The following KCNN3 variants were observed in gnomAD, a reference collection of about 807,000 sequenced individuals.
KCNN3 encodes the protein small conductance calcium-activated potassium channel protein 3.
Under a neutral mutation model 62.9 loss-of-function variants are expected in KCNN3, and 16 were observed. That is an observed-to-expected ratio of 0.25 (90% CI 0.17 to 0.39). The LOEUF is 0.39. KCNN3 is among the 10% of genes least tolerant of loss of function. KCNN3 has a pLI of 1.00. For synonymous variants in KCNN3, 370 were observed against 389.2 expected (o/e 0.95, Z 0.58); for missense variants, 599 against 949.4 (o/e 0.63, Z 4.85).
chr1:154,806,311 G>A (rs1650171867), intron 2 of KCNN3, among the ~76,000 whole-genome samples: 1 of 152,222 alleles, frequency 6.6e-6, no homozygotes, highest in Admixed American at 6.5e-5. Flanking sequence ...CAAAGGGCTG[G>A]ATTTGCAGTG....
chr1:154,764,690 C>A (rs1308187932), intron 3 of KCNN3, among the ~76,000 whole-genome samples: 1 of 152,184 alleles, frequency 6.6e-6, no homozygotes, highest in East Asian at 1.9e-4. Flanking sequence ...TGAGGATTTG[C>A]AACCCTCTAA....
intron 4 of KCNN3, among the ~76,000 whole-genome samples, chr1:154,731,161 C>T (rs929223510): frequency 2.0e-5 from 3 of 152,212 alleles, no homozygotes; most frequent in African/African-American, 4.8e-5. Context: ...AGGCACAAAG[C>T]CCCAGGAGTG....
At chr1:154,803,984 G>A (rs1419255607) in intron 2 of KCNN3, among the ~76,000 whole-genome samples, 19 of 152,224 alleles carry the variant, frequency 1.2e-4, no homozygotes, top group African/African-American at 9.6e-5. Context: ...CCGTCTCCCC[G>A]TGCAACTCTG....
intron 1 of KCNN3, among the ~76,000 whole-genome samples, chr1:154,833,658 C>G (rs570348441): frequency 6.6e-6 from 1 of 152,214 alleles, no homozygotes; most frequent in Non-Finnish European, 1.5e-5. Context: ...GCTGATAATG[C>G]CCTAAGCCTT....
In KCNN3 at chr1:154,829,790, G is replaced by C. The variant is rs1443527020; in HGVS notation, c.934-7606C>G. ...CCATTACCTGCTTTAATAGTACACA[G>C]GGTAACCTCAGCACCAGGAACCCCG... On this transcript the variant is annotated intron_variant, in intron 1 of 7. Transcript: ENST00000271915. Among the ~76,000 whole-genome samples the C allele has an allele frequency of 2.6e-5, 4 of 152,130 alleles. No individual in the cohort carries two copies. In the East Asian group the frequency reaches 7.7e-4, roughly 29 times the overall value.
rs1423126448 is a variant in KCNN3, at chr1:154,809,240, C to T, written c.1029+12849G>A. ...ACACTCAGCCCCAGCAGCCAAGCCCCAGCACCAGCAGCCACGCTTTCATTT... is the reference window on the plus strand; with the variant it reads ...ACACTCAGCCCCAGCAGCCAAGCCCTAGCACCAGCAGCCACGCTTTCATTT... On this transcript the variant is annotated intron_variant, in intron 2 of 7. Coordinates refer to ENST00000271915, the MANE Select transcript of KCNN3 (RefSeq NM_002249.6). The surrounding 1 kb of genome is among the most constrained non-coding windows in gnomAD (Gnocchi z 4.3). Among the ~76,000 whole-genome samples, 2 of 152,210 alleles carry T rather than the reference C, an allele frequency of 1.3e-5. No individual in the cohort carries two copies. Among genetic ancestry groups the T allele is most frequent in the African/African-American group, 2.4e-5 (1 of 41,440 alleles).
At chr1:154,718,310 C>A (rs960464285) in intron 5 of KCNN3, among the ~76,000 whole-genome samples, 1 of 152,202 alleles carries the variant, frequency 6.6e-6, no homozygotes, top group Non-Finnish European at 1.5e-5. Flanking sequence ...TGGGGCCAGA[C>A]AATGGGCTCT....
intron 1 of KCNN3, among the ~76,000 whole-genome samples, chr1:154,834,429 TA>T (rs1001906042): frequency 1.6e-4 from 25 of 152,212 alleles, no homozygotes; most frequent in African/African-American, 3.6e-4. Context: ...ATCCATGGTC[TA>T]GGGGGGGTCA....
intron 3 of KCNN3, among the ~76,000 whole-genome samples, chr1:154,766,875 G>GT (rs1648318640): frequency 6.6e-6 from 1 of 151,950 alleles, no homozygotes; most frequent in African/African-American, 2.4e-5. Context: ...AGAGACGGGG[G>GT]TTTCACCGTG....
chr1:154,786,936 C>A (rs2101857327), intron 2 of KCNN3, among the ~76,000 whole-genome samples: 1 of 152,320 alleles, frequency 6.6e-6, no homozygotes, highest in East Asian at 1.9e-4. Flanking sequence ...TGCCCAGGTC[C>A]TTTCCTGCCC....
chr1:154,827,589 G>A (rs774919729), intron 1 of KCNN3, among the ~76,000 whole-genome samples: 7 of 152,070 alleles, frequency 4.6e-5, no homozygotes, highest in East Asian at 1.9e-4. Flanking sequence ...ACTTGAGGTC[G>A]GGAGCTCAAG....
intron 2 of KCNN3, among the ~76,000 whole-genome samples, chr1:154,784,720 A>G (rs1478839520): frequency 6.6e-6 from 1 of 152,262 alleles, no homozygotes. Flanking sequence ...CAATGGTAAC[A>G]GCAGGGGCCA....
At chr1:154,801,810 C>T (rs1571290392) in intron 2 of KCNN3, among the ~76,000 whole-genome samples, 1 of 152,142 alleles carries the variant, frequency 6.6e-6, no homozygotes, top group East Asian at 1.9e-4. Context: ...GATGCACAAC[C>T]CCGGAGTGAA....
At chr1:154,799,745 G>T (rs1251317587) in intron 2 of KCNN3, among the ~76,000 whole-genome samples, 1 of 152,230 alleles carries the variant, frequency 6.6e-6, no homozygotes, top group Non-Finnish European at 1.5e-5. Context: ...ACAGCCAGCT[G>T]ATCGTGGTCT....
intron 2 of KCNN3, among the ~76,000 whole-genome samples, chr1:154,806,040 G>T (rs954629606): frequency 1.3e-5 from 2 of 152,290 alleles, no homozygotes; most frequent in Non-Finnish European, 2.9e-5. Flanking sequence ...CTAGAGCCCC[G>T]TGATGTCCGT....
intron 2 of KCNN3, among the ~76,000 whole-genome samples, chr1:154,783,705 G>A (rs997740249): frequency 2.0e-5 from 3 of 152,192 alleles, no homozygotes; most frequent in African/African-American, 7.2e-5. Context: ...TGGAAGGAGA[G>A]GGGAGCTGGC....
At chr1:154,826,601 G>A (rs550093196) in intron 1 of KCNN3, among the ~76,000 whole-genome samples, 1 of 152,336 alleles carries the variant, frequency 6.6e-6, no homozygotes, top group African/African-American at 2.4e-5. Context: ...ACGCCTTGCT[G>A]GCCCTCCAAT....
intron 2 of KCNN3, among the ~76,000 whole-genome samples, chr1:154,779,999 G>A (rs1648954524): frequency 6.6e-6 from 1 of 152,080 alleles, no homozygotes; most frequent in African/African-American, 2.4e-5. Context: ...AAGGCCATCT[G>A]GACACCTCAG....
At chr1:154,795,719 G>A (rs1401718773) in intron 2 of KCNN3, among the ~76,000 whole-genome samples, 1 of 152,220 alleles carries the variant, frequency 6.6e-6, no homozygotes, top group Non-Finnish European at 1.5e-5. Flanking sequence ...GTGGGTCAGG[G>A]AGGACAGCTC....
Sources: gnomAD v4.1 joint callset for allele counts (sites outside exome capture counted in the v4.1 genomes callset) on GRCh38, gnomAD v4.1.1 for gene constraint, Gnocchi (gnomAD v3.1) non-coding constraint, MANE v1.5 for transcripts, NCBI Gene and HGNC (gene_info 2026-07-23, HGNC 2026-07-21) for gene names.